The following DNM2 variants were observed in gnomAD, a reference collection of about 807,000 sequenced individuals.
DNM2 encodes the protein dynamin 2, also known as dynamin-2.
DNM2 carries 15 observed loss-of-function variants against 99.0 expected under a neutral mutation model. The observed-to-expected ratio is 0.15, with a 90% confidence interval of 0.10 to 0.23. The LOEUF (loss-of-function observed/expected upper bound fraction) is 0.23. DNM2 is among the 10% of genes least tolerant of loss of function. The pLI, the probability that DNM2 is intolerant of heterozygous loss-of-function variation, is 1.00. For synonymous variants in DNM2, 525 were observed against 481.2 expected, an observed-to-expected ratio of 1.09 and a Z score of -1.19; for missense variants, 742 against 1,189.4, an observed-to-expected ratio of 0.62 and a Z score of 5.53.
intron 14 of DNM2, chr19:10,809,040 G>C (rs1219071903): frequency 6.2e-6 from 1 of 160,130 alleles, no homozygotes; most frequent in Non-Finnish European, 1.4e-5. Flanking sequence ...TTGTGCCCAT[G>C]GCAGACATGG....
chr19:10,800,937 GTTTTA>G (rs1438827949), intron 11 of DNM2, among the ~76,000 whole-genome samples: 2 of 152,370 alleles, frequency 1.3e-5, no homozygotes, highest in East Asian at 3.9e-4. Context: ...GCACGTGTGT[GTTTTA>G]TTTTAGTGTT....
chr19:10,775,611 A>T lies in DNM2; in HGVS notation c.386-92A>T. On this transcript the variant is annotated intron_variant, in intron 3 of 20. Coordinates refer to ENST00000389253, the MANE Select transcript of DNM2 (RefSeq NM_001005361.3). The surrounding 1 kb of genome is among the most constrained non-coding windows in gnomAD (Gnocchi z 4.3). ...ACATCCTCAAGTCTGAGCCCCGCGC[A>T]GGAACTTTGGTAGTCAGCTGGGTGG... 1 of 1,432,090 alleles carries T rather than the reference A, an allele frequency of 7.0e-7. No individual in the cohort carries two copies. Among genetic ancestry groups the T allele is most frequent in the Middle Eastern group, 1.8e-4 (1 of 5,694 alleles). The allele number at this position is 1,432,090 out of a possible 1,614,324, so 88.7% of individuals were successfully genotyped here.
intron 2 of DNM2, among the ~76,000 whole-genome samples, chr19:10,769,990 G>A (rs893009942): frequency 6.6e-6 from 1 of 152,168 alleles, no homozygotes; most frequent in Non-Finnish European, 1.5e-5. Context: ...GCTCCATCAC[G>A]GAACTTGGCC....
chr19:10,802,201 T>G (rs2072175495), intron 11 of DNM2, 87 bp from the exon 12 acceptor site: 3 of 1,460,948 alleles, frequency 2.1e-6, no homozygotes, highest in African/African-American at 1.4e-5. Flanking sequence ...ACGCCTTCCC[T>G]GCTGGCAAGG....
At position 10,765,625 on chromosome 19, in the gene DNM2, T is replaced by G. The variant is rs760844586; in HGVS notation, c.235+5814T>G. 1.3e-5 allele frequency among the ~76,000 whole-genome samples: 2 copies of G among 152,218 alleles called. No homozygotes were observed. The highest frequency in any genetic ancestry group is 2.9e-5 in the Non-Finnish European group (2 of 68,034). The stretch of plus-strand genomic sequence containing the variant: ...GAGATATTTGCGTATTGCCTCGGAT[T>G]AGAGAGAACTCAAGGGCTAAATGGG... On this transcript the variant is annotated intron_variant, in intron 2 of 20. Transcript: ENST00000389253. The surrounding 1 kb of genome is among the most constrained non-coding windows in gnomAD (Gnocchi z 4.4).
intron 14 of DNM2, chr19:10,810,625 G>C (rs1186317486): frequency 1.3e-5 from 2 of 152,372 alleles, no homozygotes; most frequent in Admixed American, 1.3e-4. Flanking sequence ...GGAGGCAGGA[G>C]AGCCAGGCCA....
At chr19:10,723,917 G>A (rs747412570) in intron 1 of DNM2, among the ~76,000 whole-genome samples, 30 of 151,972 alleles carry the variant, frequency 2.0e-4, no homozygotes, top group Non-Finnish European at 3.5e-4. Context: ...CATAGACCCC[G>A]TCTCTACAAA....
rs953620458 is a variant in DNM2, at chr19:10,775,932, C to G, written c.589+26C>G. 6.2e-7 allele frequency: 1 copy of G among 1,605,722 alleles called. No individual in the cohort carries two copies. The highest frequency in any genetic ancestry group is 1.3e-5 in the African/African-American group (1 of 75,018). ...GTAACCCTGAGCCTAGGGCAGTCCC[C>G]TCTTCCAGGTGCCTCTGAGCATGGG... On this transcript the variant is annotated intron_variant, in intron 4 of 20. Transcript: ENST00000389253. The surrounding 1 kb of genome is among the most constrained non-coding windows in gnomAD (Gnocchi z 4.3).
At chr19:10,829,800 G>T (rs925440538) in intron 19 of DNM2, among the ~76,000 whole-genome samples, 2 of 152,168 alleles carry the variant, frequency 1.3e-5, no homozygotes, top group South Asian at 2.1e-4. Context: ...TGAGGCCCAG[G>T]AGGGAATCTG....
At chr19:10,777,033 A>C (rs1223530351) in intron 4 of DNM2, 85 bp from the exon 5 acceptor site, 2 of 1,373,770 alleles carry the variant, frequency 1.5e-6, no homozygotes, top group African/African-American at 2.8e-5. Flanking sequence ...TTTCAGGGCC[A>C]ACTGGACCCC....
At chr19:10,733,511 T>A (rs1714490728) in intron 1 of DNM2, among the ~76,000 whole-genome samples, 2 of 151,990 alleles carry the variant, frequency 1.3e-5, no homozygotes, top group South Asian at 4.1e-4. Context: ...ATTTTAGATT[T>A]AGAGAAAATA....
chr19:10,732,571 G>A (rs192935532), intron 1 of DNM2, among the ~76,000 whole-genome samples: 69 of 151,870 alleles, frequency 4.5e-4, no homozygotes, highest in Admixed American at 1.6e-3. Flanking sequence ...CTGCACTCCC[G>A]CCTGGGTGAT....
chr19:10,807,566 T>TG (rs2072389964), intron 13 of DNM2, among the ~76,000 whole-genome samples: 1 of 138,958 alleles, frequency 7.2e-6, no homozygotes, highest in Non-Finnish European at 1.5e-5. Context: ...TTTTTTTTTT[T>TG]GAGACAGAGT....
At chr19:10,797,951 A>C (rs777480872) in intron 10 of DNM2, among the ~76,000 whole-genome samples, 1 of 152,060 alleles carries the variant, frequency 6.6e-6, no homozygotes, top group Non-Finnish European at 1.5e-5. Flanking sequence ...TCCCCTGTGC[A>C]TGAGGTCTGG....
intron 1 of DNM2, among the ~76,000 whole-genome samples, chr19:10,726,928 G>A (rs111231905): frequency 1.2e-4 from 18 of 152,224 alleles, no homozygotes; most frequent in South Asian, 4.1e-4. Context: ...CCAGACAACC[G>A]ACTATCAACT....
intron 7 of DNM2, among the ~76,000 whole-genome samples, chr19:10,791,040 G>A (rs1373062556): frequency 6.6e-6 from 1 of 151,992 alleles, no homozygotes; most frequent in Non-Finnish European, 1.5e-5. Context: ...CTATGAGATC[G>A]CAGACGTGAA....
chr19:10,781,018 TAAA>T (rs5827115), intron 5 of DNM2, among the ~76,000 whole-genome samples: 34 of 114,424 alleles, frequency 3.0e-4, no homozygotes, highest in African/African-American at 5.1e-4. Context: ...ACTCTGTCTT[TAAA>T]AAAAAAAAAA....
chr19:10,748,083 T>C (rs1599469736), intron 1 of DNM2, among the ~76,000 whole-genome samples: 1 of 151,936 alleles, frequency 6.6e-6, no homozygotes. Flanking sequence ...ACAGGACAGG[T>C]CGTGCAGGGC....
chr19:10,764,996 C>T lies in DNM2; in HGVS notation c.235+5185C>T, dbSNP rs1398738806. On this transcript the variant is annotated intron_variant, in intron 2 of 20. Coordinates refer to ENST00000389253, the MANE Select transcript of DNM2 (RefSeq NM_001005361.3). The surrounding 1 kb of genome is among the most constrained non-coding windows in gnomAD (Gnocchi z 4.1). ...TTTTTTTGAGATGGAGTCTCGCTGTCGCCCAGGCTGGAGTGCAGTGGCGCC... is the reference window on the plus strand; with the variant it reads ...TTTTTTTGAGATGGAGTCTCGCTGTTGCCCAGGCTGGAGTGCAGTGGCGCC... Among the ~76,000 whole-genome samples the T allele has an allele frequency of 3.4e-5, 5 of 147,592 alleles. No homozygotes were observed. Among genetic ancestry groups the T allele is most frequent in the African/African-American group, 1.0e-4 (4 of 39,892 alleles).
Sources: gnomAD v4.1 joint callset for allele counts (sites outside exome capture counted in the v4.1 genomes callset) on GRCh38, gnomAD v4.1.1 for gene constraint, Gnocchi (gnomAD v3.1) non-coding constraint, MANE v1.5 for transcripts, NCBI Gene and HGNC (gene_info 2026-07-23, HGNC 2026-07-21) for gene names.